FHOD3: variants seen among roughly 807,000 people sequenced by gnomAD.
FHOD3 encodes FH1/FH2 domain-containing protein 3.
FHOD3 carries 90 observed loss-of-function variants against 173.0 expected under a neutral mutation model. The observed-to-expected ratio is 0.52, with a 90% CI of 0.44 to 0.62. FHOD3 has a LOEUF of 0.62. FHOD3 is among the 20% of genes least tolerant of loss of function. FHOD3 has a pLI of 0.00. For missense variants in FHOD3, 1,945 were observed against 2,034.7 expected (o/e 0.96, Z 0.85); for synonymous variants, 828 against 823.0 (o/e 1.01, Z -0.10).
At chr18:36,419,061 CAA>C (rs1484636408) in intron 3 of FHOD3, among the ~76,000 whole-genome samples, 248 of 152,056 alleles carry the variant, frequency 1.6e-3, no homozygotes, top group African/African-American at 5.5e-3. Flanking sequence ...AAAGAACTTA[CAA>C]GGTTAAAATC....
intron 14 of FHOD3, among the ~76,000 whole-genome samples, chr18:36,661,300 A>G (rs1312041722): frequency 6.6e-6 from 1 of 152,148 alleles, no homozygotes; most frequent in African/African-American, 2.4e-5. Context: ...AATTTCACCT[A>G]TGCAAGTATT....
chr18:36,683,332 A>G (rs918383286), intron 15 of FHOD3, among the ~76,000 whole-genome samples: 1 of 152,214 alleles, frequency 6.6e-6, no homozygotes, highest in African/African-American at 2.4e-5. Context: ...GCTTACATCC[A>G]AAGTGTTTTA....
intron 7 of FHOD3, among the ~76,000 whole-genome samples, chr18:36,598,948 G>A (rs529326394): frequency 3.5e-4 from 53 of 152,340 alleles, no homozygotes; most frequent in Admixed American, 1.8e-3. Context: ...TGTGGGGCAT[G>A]GTATGGTATT....
Position 36,496,949 on chromosome 18 carries a change from A to G in FHOD3, c.338-4983A>G, listed in dbSNP as rs78028343. On this transcript the variant is annotated intron_variant, in intron 3 of 28. Transcript: ENST00000590592. ...AGGGAATTAAAAAGAAAAGCATTTT[A>G]AGGGAAATTTCAGCCAAAATAGGTA... Among the ~76,000 whole-genome samples the G allele has an allele frequency of 1.7e-4, 26 of 152,344 alleles. No individual in the cohort carries two copies. The East Asian group carries it at 5.0e-3, about 29-fold the overall frequency.
chr18:36,434,905 A>T (rs1037325122), intron 3 of FHOD3, among the ~76,000 whole-genome samples: 11 of 152,156 alleles, frequency 7.2e-5, no homozygotes, highest in African/African-American at 2.6e-4. Context: ...AATTTTGCTA[A>T]ACTTATTATT....
chr18:36,552,664 A>T (rs1485861892), intron 5 of FHOD3, among the ~76,000 whole-genome samples: 2 of 152,020 alleles, frequency 1.3e-5, no homozygotes, highest in East Asian at 3.9e-4. Flanking sequence ...ACAGCTGGCT[A>T]ATTTTTTGTA....
intron 1 of FHOD3, among the ~76,000 whole-genome samples, chr18:36,302,811 G>A (rs934584715): frequency 1.3e-5 from 2 of 152,228 alleles, no homozygotes; most frequent in African/African-American, 4.8e-5. Context: ...GGACAACACT[G>A]TTTTAAGAAT....
chr18:36,726,216 T>C (rs537891493), intron 19 of FHOD3, among the ~76,000 whole-genome samples: 4 of 151,942 alleles, frequency 2.6e-5, no homozygotes, highest in East Asian at 1.9e-4. Flanking sequence ...AGCACACTTA[T>C]GATGTTGAAA....
At chr18:36,450,825 A>G (rs1237904053) in intron 3 of FHOD3, among the ~76,000 whole-genome samples, 1 of 152,056 alleles carries the variant, frequency 6.6e-6, no homozygotes, top group African/African-American at 2.4e-5. Flanking sequence ...AAAACCAAAA[A>G]CAAAAAAGCC....
At chr18:36,418,064 A>G (rs2049768172) in intron 3 of FHOD3, among the ~76,000 whole-genome samples, 1 of 152,212 alleles carries the variant, frequency 6.6e-6, no homozygotes, top group African/African-American at 2.4e-5. Context: ...AGGTGCAATC[A>G]TAGTGTTTGG....
chr18:36,380,608 C>A (rs1254760031), intron 3 of FHOD3, among the ~76,000 whole-genome samples: 1 of 141,660 alleles, frequency 7.1e-6, no homozygotes, highest in African/African-American at 2.7e-5. Context: ...CTTTCCTTTC[C>A]TTTCCTTTCC....
intron 1 of FHOD3, among the ~76,000 whole-genome samples, chr18:36,302,399 C>A (rs976551724): frequency 1.3e-5 from 2 of 152,176 alleles, no homozygotes; most frequent in African/African-American, 2.4e-5. Context: ...GCCCCTCCCC[C>A]CCGACCTGCT....
chr18:36,366,538 G>A (rs1010487746), intron 2 of FHOD3, among the ~76,000 whole-genome samples: 1 of 152,190 alleles, frequency 6.6e-6, no homozygotes, highest in African/African-American at 2.4e-5. Flanking sequence ...GGCTCAGAGA[G>A]GTTAAGTAAC....
chr18:36,579,867 CAAAGA>C (rs912617865), intron 6 of FHOD3, among the ~76,000 whole-genome samples: 38 of 144,886 alleles, frequency 2.6e-4, no homozygotes, highest in Admixed American at 1.3e-3. Flanking sequence ...AGGAAAGGCA[CAAAGA>C]AAAGAAGAGG....
intron 1 of FHOD3, among the ~76,000 whole-genome samples, chr18:36,345,488 G>A (rs1960045082): frequency 6.6e-6 from 1 of 152,084 alleles, no homozygotes; most frequent in South Asian, 2.1e-4. Context: ...GCCCAGGCTA[G>A]AGTGCAGTGG....
chr18:36,471,977 T>C (rs2053311756), intron 3 of FHOD3, among the ~76,000 whole-genome samples: 1 of 152,208 alleles, frequency 6.6e-6, no homozygotes, highest in South Asian at 2.1e-4. Context: ...ACCATTTTAG[T>C]TCCCAGGGTT....
rs574353375 is a variant in FHOD3 at position 36,473,893 on chromosome 18, C to G, written c.338-28039C>G. 8.5e-5 allele frequency among the ~76,000 whole-genome samples: 13 copies of G among 152,328 alleles called. 1 individual carries two copies. In the South Asian group the frequency reaches 2.7e-3, roughly 32 times the overall value. On this transcript the variant is annotated intron_variant, in intron 3 of 28. Coordinates refer to ENST00000590592, the MANE Select transcript of FHOD3 (RefSeq NM_001281740.3). Reference sequence around the variant, plus strand: ...AGGAGGCTTTTCACTCCTGAACACACTTTTTGGGAAGCATCCTTGGGTATT... The same window carrying G: ...AGGAGGCTTTTCACTCCTGAACACAGTTTTTGGGAAGCATCCTTGGGTATT...
At chr18:36,381,074 C>T (rs1292403487) in intron 3 of FHOD3, among the ~76,000 whole-genome samples, 1 of 152,198 alleles carries the variant, frequency 6.6e-6, no homozygotes, top group South Asian at 2.1e-4. Context: ...CATCTTTAGC[C>T]CTTCTCTACA....
At chr18:36,556,626 C>T (rs2147509531) in intron 5 of FHOD3, among the ~76,000 whole-genome samples, 1 of 152,276 alleles carries the variant, frequency 6.6e-6, no homozygotes, top group Non-Finnish European at 1.5e-5. Flanking sequence ...TGCCTGTTGT[C>T]ATACCTCTTA....
Sources: gnomAD v4.1 joint callset for allele counts (sites outside exome capture counted in the v4.1 genomes callset) on GRCh38, gnomAD v4.1.1 for gene constraint, MANE v1.5 for transcripts, NCBI Gene and HGNC (gene_info 2026-07-23, HGNC 2026-07-21) for gene names.